Variants in SCN11A observed in about 807,000 individuals in gnomAD.
The protein encoded by SCN11A is sodium channel protein type 11 subunit alpha.
SCN11A carries 122 observed loss-of-function variants against 162.2 expected under a neutral mutation model. The ratio of observed to expected loss-of-function variants is 0.75; its 90% CI spans 0.65 to 0.87. The LOEUF (loss-of-function observed/expected upper bound fraction) is 0.87. Among genes scored for constraint, SCN11A ranks in the 40% least tolerant of loss-of-function variants. The pLI is 0.00. For synonymous variants in SCN11A, 758 were observed against 751.5 expected, an observed-to-expected ratio of 1.01 and a Z score of -0.14; for missense variants, 2,015 against 2,181.6, an observed-to-expected ratio of 0.92 and a Z score of 1.52.
chr3:39,006,865 C>T (rs1489299898), intron 2 of SCN11A, among the ~76,000 whole-genome samples: 2 of 151,432 alleles, frequency 1.3e-5, no homozygotes, highest in Admixed American at 6.6e-5. Flanking sequence ...ACTTTAATGT[C>T]ACTAAAAGAA....
intron 2 of SCN11A, among the ~76,000 whole-genome samples, chr3:39,009,421 T>C (rs928007171): frequency 6.6e-6 from 1 of 151,464 alleles, no homozygotes. Flanking sequence ...TGTCTATATA[T>C]ATACATATAT....
intron 2 of SCN11A, among the ~76,000 whole-genome samples, chr3:38,963,016 C>A (rs1167298935): frequency 2.0e-5 from 3 of 151,642 alleles, no homozygotes; most frequent in Non-Finnish European, 4.4e-5. Context: ...CTTACTCCTG[C>A]AAGAATGGCC....
chr3:38,852,323 T>C (rs2064795864), intron 28 of SCN11A, among the ~76,000 whole-genome samples: 1 of 151,964 alleles, frequency 6.6e-6, no homozygotes, highest in Admixed American at 6.6e-5. Context: ...AAGCATGAAT[T>C]TGGGAAGTCA....
chr3:38,961,287 T>C lies in SCN11A; in HGVS notation c.-279-864A>G, dbSNP rs140254005. On this transcript the variant is annotated intron_variant, in intron 2 of 29. Transcript: ENST00000302328. ...TTTTCTCCATGTTAAATATGATAAT[T>C]CTTTCAAATCTTTTTACTGTTAAGA... is the stretch of plus-strand genomic sequence containing the variant. 4.7e-3 allele frequency among the ~76,000 whole-genome samples: 716 copies of C among 152,344 alleles called. 2 individuals carry two copies. Among genetic ancestry groups the C allele is most frequent in the Middle Eastern group, 6.8e-3 (2 of 294 alleles).
chr3:38,916,215 G>A (rs1446806398), intron 11 of SCN11A, among the ~76,000 whole-genome samples: 1 of 152,078 alleles, frequency 6.6e-6, no homozygotes, highest in African/African-American at 2.4e-5. Context: ...TGTAAGATGA[G>A]TCTTTTGAAG....
intron 19 of SCN11A, among the ~76,000 whole-genome samples, chr3:38,892,378 T>C (rs931365300): frequency 6.6e-6 from 1 of 152,198 alleles, no homozygotes; most frequent in Admixed American, 6.5e-5. Flanking sequence ...TTTTAGCTGA[T>C]TTCAAAAGCA....
intron 2 of SCN11A, among the ~76,000 whole-genome samples, chr3:38,963,977 A>T (rs1575339365): frequency 6.6e-6 from 1 of 152,230 alleles, no homozygotes; most frequent in Non-Finnish European, 1.5e-5. Flanking sequence ...TTCATCTTTA[A>T]GGTAAATGCA....
chr3:38,934,183 T>C (rs2066290880), intron 7 of SCN11A, among the ~76,000 whole-genome samples: 1 of 152,230 alleles, frequency 6.6e-6, no homozygotes, highest in Non-Finnish European at 1.5e-5. Flanking sequence ...CTGAGAGATT[T>C]TGTCGCCACC....
intron 1 of SCN11A, among the ~76,000 whole-genome samples, chr3:39,036,704 A>G (rs994063137): frequency 6.6e-6 from 1 of 152,370 alleles, no homozygotes; most frequent in East Asian, 1.9e-4. Flanking sequence ...ATCTGAATAG[A>G]TATTTCTCAA....
chr3:38,925,346 G>GA (rs1193402825), intron 9 of SCN11A, 69 bp downstream of exon 9: 13 of 1,099,722 alleles, frequency 1.2e-5, no homozygotes, highest in Non-Finnish European at 1.7e-5. Flanking sequence ...ATGACATTTT[G>GA]AAAAAATTTA....
chr3:38,938,843 C>T (rs987401609), intron 7 of SCN11A, among the ~76,000 whole-genome samples: 8 of 151,372 alleles, frequency 5.3e-5, no homozygotes, highest in South Asian at 2.1e-4. Context: ...GGATTACAGG[C>T]GGTGAGCCAC....
intron 2 of SCN11A, among the ~76,000 whole-genome samples, chr3:38,989,802 G>T (rs2030392131): frequency 6.6e-6 from 1 of 152,190 alleles, no homozygotes; most frequent in African/African-American, 2.4e-5. Flanking sequence ...TGGGAACTTT[G>T]CAGCACATTA....
intron 3 of SCN11A, among the ~76,000 whole-genome samples, chr3:38,955,400 A>C (rs372239501): frequency 1.3e-5 from 2 of 152,270 alleles, no homozygotes; most frequent in Non-Finnish European, 2.9e-5. Context: ...TGCAGTATGC[A>C]GTAAAATTTC....
intron 17 of SCN11A, among the ~76,000 whole-genome samples, chr3:38,899,267 T>A (rs546532578): frequency 6.6e-6 from 1 of 152,188 alleles, no homozygotes; most frequent in Non-Finnish European, 1.5e-5. Context: ...GTATCACTCC[T>A]GTGCTGCAAC....
intron 11 of SCN11A, among the ~76,000 whole-genome samples, chr3:38,911,655 T>C (rs2065889059): frequency 6.6e-6 from 1 of 152,314 alleles, no homozygotes. Flanking sequence ...GACTTTTGAA[T>C]TGACATTTAC....
At chr3:38,872,634 G>T (rs1575228831) in intron 23 of SCN11A, among the ~76,000 whole-genome samples, 1 of 152,182 alleles carries the variant, frequency 6.6e-6, no homozygotes, top group Non-Finnish European at 1.5e-5. Flanking sequence ...AGATCTTTAT[G>T]GTGAATTTGA....
intron 9 of SCN11A, among the ~76,000 whole-genome samples, chr3:38,924,354 G>T (rs1193499240): frequency 6.6e-6 from 1 of 151,708 alleles, no homozygotes; most frequent in Non-Finnish European, 1.5e-5. Context: ...TGAGATTAAA[G>T]GTACTCACCA....
At chr3:38,982,002 ACT>A (rs1245896819) in intron 2 of SCN11A, among the ~76,000 whole-genome samples, 2 of 150,050 alleles carry the variant, frequency 1.3e-5, no homozygotes, top group African/African-American at 5.0e-5. Flanking sequence ...ACAGAGTGAG[ACT>A]CTGTCTCAAA....
intron 2 of SCN11A, among the ~76,000 whole-genome samples, chr3:38,999,007 T>G (rs947197916): frequency 2.6e-4 from 39 of 152,006 alleles, no homozygotes; most frequent in Admixed American, 2.2e-3. Context: ...TGTATACATA[T>G]GTAACTAACC....
Sources: gnomAD v4.1 joint callset for allele counts (sites outside exome capture counted in the v4.1 genomes callset) on GRCh38, gnomAD v4.1.1 for gene constraint, MANE v1.5 for transcripts, NCBI Gene and HGNC (gene_info 2026-07-23, HGNC 2026-07-21) for gene names.